Variants in GON4L observed in about 807,000 individuals in gnomAD.
GON4L encodes gon-4 like.
In GON4L, 87 loss-of-function variants were observed where a neutral mutation model predicts 211.8. The observed-to-expected ratio is 0.41, with a 90% CI of 0.35 to 0.49. GON4L has a LOEUF of 0.49. Ranked by LOEUF, GON4L falls within the 20% of genes least tolerant of loss-of-function variation. GON4L has a pLI of 0.15. For missense variants in GON4L, 2,155 were observed against 2,659.5 expected, an observed-to-expected ratio of 0.81 and a Z score of 4.17; for synonymous variants, 875 against 962.6, an observed-to-expected ratio of 0.91 and a Z score of 1.68.
intron 2 of GON4L, among the ~76,000 whole-genome samples, chr1:155,827,724 G>A (rs946761023): frequency 6.6e-6 from 1 of 150,644 alleles, no homozygotes; most frequent in Non-Finnish European, 1.5e-5. Flanking sequence ...GGTGCTTATA[G>A]TCATGAGGTG....
At chr1:155,831,795 G>C (rs1262220708) in intron 2 of GON4L, among the ~76,000 whole-genome samples, 1 of 151,992 alleles carries the variant, frequency 6.6e-6, no homozygotes, top group Non-Finnish European at 1.5e-5. Context: ...TACTTGGTAG[G>C]ATCAGTTCAG....
chr1:155,766,060 T>G lies in GON4L; in HGVS notation c.3413A>C (p.His1138Pro), dbSNP rs748383393. 7.4e-6 allele frequency: 12 copies of G among 1,613,916 alleles called. No homozygotes were observed. The East Asian group carries it at 2.5e-4, about 33-fold the overall frequency. ...SPCMKPAPVIHHPASVIFTVP... is the reference protein window; with the variant it reads ...SPCMKPAPVIPHPASVIFTVP... The stretch of plus-strand genomic sequence containing the variant: ...AGTGAAGATAACAGATGCAGGGTGG[T>G]GGATAACAGGGGCAGGTTTCATACA... Residue 1138 changes from histidine to proline, a missense_variant, in exon 21 of 32, where the codon CAC becomes CCC. His to Pro is a moderately conservative substitution (Grantham distance 77). Transcript: ENST00000368331.
Position 155,853,487 on chromosome 1 carries a change from G to GGCCA in GON4L, c.290_293dup (p.Ile99GlyfsTer18). The GGCCA allele has an allele frequency of 6.2e-7, 1 of 1,614,002 alleles. No individual in the cohort carries two copies. The highest frequency in any genetic ancestry group is 8.5e-7 in the Non-Finnish European group (1 of 1,179,868). On this transcript the variant is annotated frameshift_variant, in exon 2 of 32. Transcript: ENST00000368331. LOFTEE classifies it high-confidence loss of function. ...AAGGTAGGGTGATTCCCTGAGAGAT[G>GGCCA]GCCACATCAACACCTTCTAGAATTG...
intron 21 of GON4L, chr1:155,764,308 G>A (rs1293706330): frequency 6.4e-6 from 1 of 156,432 alleles, no homozygotes; most frequent in Non-Finnish European, 1.4e-5. Context: ...AGTAGGGATG[G>A]AGTTTCTTCA....
chr1:155,786,569 G>A (rs1405077352), intron 12 of GON4L, among the ~76,000 whole-genome samples: 3 of 152,016 alleles, frequency 2.0e-5, no homozygotes, highest in Non-Finnish European at 4.4e-5. Flanking sequence ...TTTCCAGCAG[G>A]GTTTCACAGG....
intron 27 of GON4L, chr1:155,756,616 A>G (rs1661212672): frequency 4.4e-6 from 1 of 226,184 alleles, no homozygotes; most frequent in African/African-American, 2.3e-5. Flanking sequence ...AATTTTCAAT[A>G]ACTTGGCATA....
intron 24 of GON4L, 102 bp downstream of exon 24, chr1:155,760,342 G>T: frequency 1.4e-6 from 1 of 705,436 alleles, no homozygotes; most frequent in East Asian, 2.6e-5. Context: ...CTGTGTGTCT[G>T]GAAGGAGCTG....
At chr1:155,852,981 G>A (rs138496512) in intron 2 of GON4L, among the ~76,000 whole-genome samples, 3 of 152,128 alleles carry the variant, frequency 2.0e-5, no homozygotes, top group African/African-American at 4.8e-5. Context: ...GCGTGGTGGC[G>A]CATGCCTGTA....
At chr1:155,848,704 C>T (rs1390267705) in intron 2 of GON4L, among the ~76,000 whole-genome samples, 1 of 152,112 alleles carries the variant, frequency 6.6e-6, no homozygotes, top group Non-Finnish European at 1.5e-5. Context: ...TCTTCTGCTT[C>T]TTTTAAATGT....
chr1:155,775,615 C>T (rs907737618), intron 16 of GON4L, among the ~76,000 whole-genome samples: 2 of 151,874 alleles, frequency 1.3e-5, no homozygotes, highest in African/African-American at 2.4e-5. Flanking sequence ...CCCGCTACCA[C>T]GCCCGGCTAT....
chr1:155,826,960 C>T lies in GON4L; in HGVS notation c.574G>A (p.Val192Ile). ...TGGGTTGATTTCCTGGGCTGGCTTA[C>T]TGGTTTTGCAGATTGGCTGCCTGAT... ...LPSGSQSAKPVSQPRKSTQPD... is the reference protein window; with the variant it reads ...LPSGSQSAKPISQPRKSTQPD... Residue 192 changes from valine (V) to isoleucine (I), a missense_variant, in exon 3 of 32, where the codon GTA (valine) becomes ATA (isoleucine). Physicochemically the swap from Val to Ile is conservative, Grantham distance 29. Coordinates refer to ENST00000368331, the MANE Select transcript of GON4L (RefSeq NM_001282860.2). 6.2e-7 allele frequency: 1 copy of T among 1,614,072 alleles called. No homozygotes were observed. The highest frequency in any genetic ancestry group is 8.5e-7 in the Non-Finnish European group (1 of 1,179,922).
intron 2 of GON4L, among the ~76,000 whole-genome samples, chr1:155,832,669 CA>C (rs1418807861): frequency 7.2e-5 from 11 of 152,010 alleles, no homozygotes; most frequent in African/African-American, 2.7e-4. Context: ...ACAATAACAA[CA>C]ACAAAAAGGT....
At chr1:155,791,562 TAAC>T (rs1433037841) in intron 12 of GON4L, among the ~76,000 whole-genome samples, 2 of 151,650 alleles carry the variant, frequency 1.3e-5, no homozygotes, top group African/African-American at 4.8e-5. Context: ...TTTTTTTTCT[TAAC>T]AACAAAAGAC....
At chr1:155,855,361 G>T (rs1672176548) in intron 1 of GON4L, among the ~76,000 whole-genome samples, 1 of 151,812 alleles carries the variant, frequency 6.6e-6, no homozygotes, top group African/African-American at 2.4e-5. Flanking sequence ...AGCAGTATCT[G>T]GGTTTTTTTT....
At chr1:155,813,857 G>T in intron 9 of GON4L, 53 bp from the exon 10 acceptor site, 1 of 1,517,750 alleles carries the variant, frequency 6.6e-7, no homozygotes, top group Non-Finnish European at 9.1e-7. Flanking sequence ...GAAAGAAAGA[G>T]AAAGCAAAAA....
chr1:155,768,034 C>T (rs950569453), intron 19 of GON4L, among the ~76,000 whole-genome samples: 2 of 152,102 alleles, frequency 1.3e-5, no homozygotes, highest in Non-Finnish European at 2.9e-5. Context: ...GAAGGTTGGG[C>T]GTGGTGGTTC....
rs1241011356 is a variant in GON4L at position 155,753,071 on chromosome 1, A to G, written c.5842+133T>C. ...AGCCTGAACAGCAGAAGGGCTTCCT[A>G]TGGGTCCATCAGTGAAAGAGGTGGT... On this transcript the variant is annotated intron_variant, in intron 29 of 31. Transcript: ENST00000368331. 3 of 679,444 alleles carry G rather than the reference A, an allele frequency of 4.4e-6. No individual in the cohort carries two copies. The African/African-American group carries it at 5.4e-5, about 12-fold the overall frequency. 42.1% of individuals were successfully genotyped at this position (679,444 alleles called of 1,614,324 possible). A position where few individuals can be genotyped will look rare whatever the true frequency, so the allele number is the denominator to read the frequency against.
chr1:155,750,748 G>C lies in GON4L; in HGVS notation c.6577-15C>G. The C allele has an allele frequency of 6.4e-7, 1 of 1,563,730 alleles. No homozygotes were observed. Among genetic ancestry groups the C allele is most frequent in the South Asian group, 1.2e-5 (1 of 85,110 alleles). ...CGGTGGGAAACCTAAGAAAGGAGGAGGGCTGTATTCACTGGTCTTTTTTTT... is the reference window on the plus strand; with the variant it reads ...CGGTGGGAAACCTAAGAAAGGAGGACGGCTGTATTCACTGGTCTTTTTTTT... On this transcript the variant is annotated splice_polypyrimidine_tract_variant and intron_variant, in intron 31 of 31. Coordinates refer to ENST00000368331, the MANE Select transcript of GON4L (RefSeq NM_001282860.2).
At chr1:155,782,943 G>T (rs1278600905) in intron 14 of GON4L, among the ~76,000 whole-genome samples, 2 of 152,178 alleles carry the variant, frequency 1.3e-5, no homozygotes, top group African/African-American at 4.8e-5. Flanking sequence ...ACAGGCATGA[G>T]CCACTGCGCC....
Sources: allele counts gnomAD v4.1 joint callset (sites outside exome capture counted in the v4.1 genomes callset), GRCh38; gene constraint gnomAD v4.1.1; transcripts MANE v1.5; gene names NCBI Gene and HGNC (gene_info 2026-07-23, HGNC 2026-07-21).